Variants in NSUN3 observed in about 807,000 individuals in gnomAD.
The protein encoded by NSUN3 is tRNA (cytosine(34)-C(5))-methyltransferase, mitochondrial.
In NSUN3, 24 loss-of-function variants were observed where a neutral mutation model predicts 36.8. That is an observed-to-expected ratio of 0.65 (90% CI 0.47 to 0.92). The LOEUF is 0.92. Among genes scored for constraint, NSUN3 ranks in the 40% least tolerant of loss-of-function variants. NSUN3 has a pLI of 0.00. For missense variants in NSUN3, 381 were observed against 392.8 expected (o/e 0.97, Z 0.25); for synonymous variants, 146 against 145.2 (o/e 1.01, Z -0.04).
At chr3:94,077,207 CG>C in intron 2 of NSUN3, 1 of 671,794 alleles carries the variant, frequency 1.5e-6, no homozygotes, top group Non-Finnish European at 2.8e-6. Context: ...ATACTGGAGT[CG>C]GGTGTTGCAG....
At position 94,095,041 on chromosome 3, in the gene NSUN3, G is replaced by A; in HGVS notation, c.630G>A (p.Val210=). Residue 210 remains valine (V), a synonymous_variant, in exon 5 of 6, where the codon GTG becomes GTA. Coordinates refer to ENST00000314622, the MANE Select transcript of NSUN3 (RefSeq NM_022072.5). ...AQPEMFDKVL[V]DAPCSNDRSW... ...GTCTTTTTTTTCTCTAGGTGTTAGT[G>A]GATGCTCCGTGTTCAAATGATCGAA... is the stretch of plus-strand genomic sequence containing the variant. 1 of 1,613,678 alleles carries A rather than the reference G, an allele frequency of 6.2e-7. No individual in the cohort carries two copies. Among genetic ancestry groups the A allele is most frequent in the Non-Finnish European group, 8.5e-7 (1 of 1,179,728 alleles).
chr3:94,113,946 G>A (rs1411231307), intron 5 of NSUN3, among the ~76,000 whole-genome samples: 1 of 152,142 alleles, frequency 6.6e-6, no homozygotes, highest in African/African-American at 2.4e-5. Flanking sequence ...TTCAAATTAT[G>A]TCTCAGTGTG....
chr3:94,094,387 A>G, intron 4 of NSUN3, 93 bp downstream of exon 4: 1 of 1,276,648 alleles, frequency 7.8e-7, no homozygotes, highest in Non-Finnish European at 1.1e-6. Flanking sequence ...GTTCTCAGAC[A>G]TAGCCTGATA....
intron 5 of NSUN3, among the ~76,000 whole-genome samples, chr3:94,106,686 T>C (rs1407599074): frequency 6.6e-6 from 1 of 152,176 alleles, no homozygotes; most frequent in Admixed American, 6.5e-5. Flanking sequence ...GTATTTGCTT[T>C]CTTGCCCAGA....
At position 94,115,479 on chromosome 3, in the gene NSUN3, G is replaced by A. The variant is rs114311926; in HGVS notation, c.744-10732G>A. Among the ~76,000 whole-genome samples the A allele has an allele frequency of 8.7e-3, 1,332 of 152,272 alleles. 17 individuals carry two copies. Among genetic ancestry groups the A allele is most frequent in the African/African-American group, 0.03 (1,264 of 41,546 alleles). On this transcript the variant is annotated intron_variant, in intron 5 of 5. Coordinates refer to ENST00000314622, the MANE Select transcript of NSUN3 (RefSeq NM_022072.5). The stretch of plus-strand genomic sequence containing the variant: ...ATATTAATCATAGTATATTGGGGCT[G>A]TAATCTTAATTTTTCAAGAGCACAG...
chr3:94,103,113 C>G (rs969515185), intron 5 of NSUN3, among the ~76,000 whole-genome samples: 5 of 152,018 alleles, frequency 3.3e-5, no homozygotes, highest in Non-Finnish European at 5.9e-5. Flanking sequence ...TTTCAAACTC[C>G]CAACCTCAGG....
At chr3:94,095,667 C>T (rs762378617) in intron 5 of NSUN3, among the ~76,000 whole-genome samples, 4 of 152,082 alleles carry the variant, frequency 2.6e-5, no homozygotes, top group African/African-American at 9.7e-5. Context: ...CATTATTGTT[C>T]GGGTTCCAAC....
chr3:94,076,940 T>A (rs1327977047), intron 2 of NSUN3: 3 of 1,092,836 alleles, frequency 2.7e-6, no homozygotes, highest in Non-Finnish European at 2.8e-6. Flanking sequence ...TATAACAAGA[T>A]GTTTTTGTTC....
chr3:94,075,740 C>T (rs565178190), intron 2 of NSUN3, among the ~76,000 whole-genome samples: 16 of 152,002 alleles, frequency 1.1e-4, no homozygotes, highest in Admixed American at 1.3e-4. Context: ...GCCCCCCCCC[C>T]CAATAATATT....
intron 3 of NSUN3, among the ~76,000 whole-genome samples, chr3:94,093,768 C>T (rs562586097): frequency 6.6e-6 from 1 of 152,262 alleles, no homozygotes; most frequent in Admixed American, 6.5e-5. Flanking sequence ...TACTCTTAAG[C>T]GTTAGTTCTT....
At chr3:94,108,550 G>C (rs1367431647) in intron 5 of NSUN3, among the ~76,000 whole-genome samples, 5 of 152,058 alleles carry the variant, frequency 3.3e-5, no homozygotes, top group Non-Finnish European at 7.4e-5. Context: ...AGTAGAGATG[G>C]GGGTTTCACC....
intron 5 of NSUN3, among the ~76,000 whole-genome samples, chr3:94,119,824 G>A (rs1460270248): frequency 1.3e-5 from 2 of 152,238 alleles, no homozygotes; most frequent in African/African-American, 4.8e-5. Context: ...CCATTTGACA[G>A]GAATCCCTAA....
chr3:94,101,312 T>A (rs1195371198), intron 5 of NSUN3, among the ~76,000 whole-genome samples: 3 of 152,098 alleles, frequency 2.0e-5, no homozygotes, highest in Admixed American at 6.6e-5. Context: ...ATTTTTTTTT[T>A]AAACTGTTAG....
chr3:94,071,155 A>T (rs2107236420), intron 2 of NSUN3, among the ~76,000 whole-genome samples: 1 of 152,286 alleles, frequency 6.6e-6, no homozygotes, highest in African/African-American at 2.4e-5. Flanking sequence ...TTAAGTATCC[A>T]TTTCTTACCA....
chr3:94,108,632 T>A (rs2077401662), intron 5 of NSUN3, among the ~76,000 whole-genome samples: 1 of 152,082 alleles, frequency 6.6e-6, no homozygotes, highest in Non-Finnish European at 1.5e-5. Flanking sequence ...GTGCTGGGAT[T>A]ACAGGTGTGA....
At chr3:94,103,137 T>C (rs1256554203) in intron 5 of NSUN3, among the ~76,000 whole-genome samples, 3 of 152,106 alleles carry the variant, frequency 2.0e-5, no homozygotes, top group Non-Finnish European at 2.9e-5. Flanking sequence ...CCCACCTTCC[T>C]TGGCCTCCCA....
intron 2 of NSUN3, among the ~76,000 whole-genome samples, chr3:94,078,310 T>G (rs2077254721): frequency 6.6e-6 from 1 of 152,200 alleles, no homozygotes; most frequent in Non-Finnish European, 1.5e-5. Context: ...AGAGACTGTT[T>G]GTTATGATTT....
At chr3:94,074,925 G>T (rs2077240249) in intron 2 of NSUN3, among the ~76,000 whole-genome samples, 1 of 152,126 alleles carries the variant, frequency 6.6e-6, no homozygotes, top group African/African-American at 2.4e-5. Context: ...CATTCAGTAT[G>T]CTATTGGCTG....
In NSUN3 at chr3:94,127,294, A is replaced by T. The variant is rs114500733; in HGVS notation, c.*804A>T. On this transcript the variant is annotated 3_prime_UTR_variant, in exon 6 of 6. Transcript: ENST00000314622. ...TGCAATCACTGAACTATATTTGGAG[A>T]GTTTTGTTACATAATTGCAGTCATA... 6.6e-6 allele frequency: 1 copy of T among 152,170 alleles called. No homozygotes were observed. Among genetic ancestry groups the T allele is most frequent in the Non-Finnish European group, 1.5e-5 (1 of 68,038 alleles). The allele number at this position is 152,170 out of a possible 1,614,324, so 9.4% of individuals were successfully genotyped here.
Sources: allele counts gnomAD v4.1 joint callset (sites outside exome capture counted in the v4.1 genomes callset), GRCh38; gene constraint gnomAD v4.1.1; transcripts MANE v1.5; gene names NCBI Gene and HGNC (gene_info 2026-07-23, HGNC 2026-07-21).